KCNQ5: variants seen among roughly 807,000 people sequenced by gnomAD.
KCNQ5 encodes the protein potassium voltage-gated channel subfamily Q member 5.
In KCNQ5, 30 loss-of-function variants were observed where a neutral mutation model predicts 98.2. The ratio of observed to expected loss-of-function variants is 0.31; its 90% CI spans 0.23 to 0.41. The LOEUF (loss-of-function observed/expected upper bound fraction) is 0.41. KCNQ5 is among the 10% of genes least tolerant of loss of function. The pLI is 1.00. For synonymous variants in KCNQ5, 458 were observed against 449.4 expected, an observed-to-expected ratio of 1.02 and a Z score of -0.24; for missense variants, 835 against 1,182.5, an observed-to-expected ratio of 0.71 and a Z score of 4.31.
chr6:73,029,631 A>G (rs1471429339), intron 2 of KCNQ5, among the ~76,000 whole-genome samples: 1 of 151,740 alleles, frequency 6.6e-6, no homozygotes, highest in Non-Finnish European at 1.5e-5. Context: ...ATCTTACTCA[A>G]TTTAAAAGTA....
At chr6:72,678,484 A>T (rs1246580510) in intron 1 of KCNQ5, 1 of 152,036 alleles carries the variant, frequency 6.6e-6, no homozygotes, top group Non-Finnish European at 1.5e-5. Context: ...TTATTATTCA[A>T]TTATTAAATA....
At chr6:73,082,103 GT>G (rs998529195) in intron 5 of KCNQ5, among the ~76,000 whole-genome samples, 1 of 152,184 alleles carries the variant, frequency 6.6e-6, no homozygotes, top group African/African-American at 2.4e-5. Flanking sequence ...CAAATAAATG[GT>G]CCAGCTGAAG....
intron 1 of KCNQ5, among the ~76,000 whole-genome samples, chr6:72,732,298 T>C (rs537642331): frequency 6.6e-5 from 10 of 151,024 alleles, no homozygotes; most frequent in African/African-American, 2.4e-4. Flanking sequence ...GAAGCCTGAG[T>C]AGGGGAGTAG....
intron 1 of KCNQ5, among the ~76,000 whole-genome samples, chr6:72,854,783 TGC>T (rs1240663921): frequency 4.2e-5 from 6 of 141,926 alleles, no homozygotes; most frequent in African/African-American, 1.0e-4. Flanking sequence ...TGTGTGTGTG[TGC>T]GTGCGTAGAT....
intron 1 of KCNQ5, among the ~76,000 whole-genome samples, chr6:72,700,748 A>G (rs1345183636): frequency 1.3e-5 from 2 of 152,168 alleles, no homozygotes; most frequent in Non-Finnish European, 2.9e-5. Context: ...GCAACCTTAC[A>G]CAAAGCAGAG....
intron 1 of KCNQ5, among the ~76,000 whole-genome samples, chr6:72,640,020 G>A (rs1342969497): frequency 6.6e-6 from 1 of 152,102 alleles, no homozygotes; most frequent in Non-Finnish European, 1.5e-5. Flanking sequence ...TAAATAACGC[G>A]ATGTCTTGAC....
chr6:72,837,193 A>T (rs762730968), intron 1 of KCNQ5, among the ~76,000 whole-genome samples: 3 of 152,208 alleles, frequency 2.0e-5, no homozygotes, highest in Non-Finnish European at 4.4e-5. Flanking sequence ...CAAATTTTTG[A>T]TGAAGTAAAA....
intron 1 of KCNQ5, among the ~76,000 whole-genome samples, chr6:72,754,632 A>G (rs1332465043): frequency 6.6e-6 from 1 of 152,132 alleles, no homozygotes; most frequent in African/African-American, 2.4e-5. Context: ...TCAGGCCCCA[A>G]TGTTGATAGT....
chr6:72,666,330 G>C (rs961000964), intron 1 of KCNQ5, among the ~76,000 whole-genome samples: 1 of 103,704 alleles, frequency 9.6e-6, no homozygotes, highest in Non-Finnish European at 2.4e-5. Context: ...ATAACAACTG[G>C]AATAAATTTA....
intron 1 of KCNQ5, among the ~76,000 whole-genome samples, chr6:72,846,149 A>G (rs1294363068): frequency 6.6e-6 from 1 of 152,214 alleles, no homozygotes; most frequent in Non-Finnish European, 1.5e-5. Flanking sequence ...GGAAATCATC[A>G]AACAACAGAA....
chr6:73,091,510 A>G (rs1774246736), intron 5 of KCNQ5, among the ~76,000 whole-genome samples: 1 of 152,012 alleles, frequency 6.6e-6, no homozygotes, highest in Admixed American at 6.6e-5. Context: ...AAGAAAAAGA[A>G]AAAGAAAAGG....
At chr6:72,647,606 G>A (rs1765662163) in intron 1 of KCNQ5, among the ~76,000 whole-genome samples, 1 of 152,146 alleles carries the variant, frequency 6.6e-6, no homozygotes. Flanking sequence ...GTTTCTGATA[G>A]CTGTTCAGTT....
intron 1 of KCNQ5, chr6:72,987,327 A>G: frequency 1.4e-6 from 1 of 708,170 alleles, no homozygotes; most frequent in Non-Finnish European, 2.7e-6. Context: ...CGAGGCGCAC[A>G]TAGACCAGGT....
intron 1 of KCNQ5, among the ~76,000 whole-genome samples, chr6:72,800,522 C>G (rs1189641552): frequency 6.6e-6 from 1 of 152,030 alleles, no homozygotes; most frequent in Non-Finnish European, 1.5e-5. Flanking sequence ...CTCTTTTCTT[C>G]TTTATTAGTC....
intron 3 of KCNQ5, among the ~76,000 whole-genome samples, chr6:73,060,598 G>T (rs1305065048): frequency 6.6e-6 from 1 of 152,004 alleles, no homozygotes; most frequent in East Asian, 1.9e-4. Flanking sequence ...AAACTAAACA[G>T]CAACGTCAAA....
intron 1 of KCNQ5, among the ~76,000 whole-genome samples, chr6:72,665,172 A>T (rs907736349): frequency 2.0e-5 from 3 of 151,880 alleles, no homozygotes; most frequent in African/African-American, 7.3e-5. Flanking sequence ...ACGTGGTGAA[A>T]CCCTGTCTCT....
At chr6:72,654,240 G>A (rs746680585) in intron 1 of KCNQ5, among the ~76,000 whole-genome samples, 23 of 151,964 alleles carry the variant, frequency 1.5e-4, no homozygotes, top group Non-Finnish European at 8.8e-5. Context: ...TTGGGGGTTT[G>A]GGAATGAAGA....
Position 72,935,338 on chromosome 6 carries a change from T to C in KCNQ5, c.399-68570T>C, listed in dbSNP as rs1765868163. On this transcript the variant is annotated intron_variant, in intron 1 of 13. Transcript: ENST00000370398. ...CACCCACCTCAGCCTCCCAAAGTGCTGGGATTACAGGCGTGAGCCACCTCA... is the reference window on the plus strand; with the variant it reads ...CACCCACCTCAGCCTCCCAAAGTGCCGGGATTACAGGCGTGAGCCACCTCA... 2.0e-5 allele frequency among the ~76,000 whole-genome samples: 3 copies of C among 152,272 alleles called. No individual in the cohort carries two copies. The South Asian group carries it at 6.2e-4, about 32-fold the overall frequency.
intron 6 of KCNQ5, among the ~76,000 whole-genome samples, chr6:73,107,596 G>T (rs1183759486): frequency 1.3e-5 from 2 of 152,124 alleles, no homozygotes; most frequent in Non-Finnish European, 2.9e-5. Context: ...GAAGTTGGCT[G>T]CACCCAGCAC....
Sources: allele counts gnomAD v4.1 joint callset (sites outside exome capture counted in the v4.1 genomes callset), GRCh38; gene constraint gnomAD v4.1.1; transcripts MANE v1.5; gene names NCBI Gene and HGNC (gene_info 2026-07-23, HGNC 2026-07-21).